RGS9: variants seen among roughly 807,000 people sequenced by gnomAD.
RGS9 encodes the protein regulator of G protein signaling 9, also known as regulator of G-protein signalling 9.
RGS9 carries 78 observed loss-of-function variants against 102.0 expected under a neutral mutation model. The observed-to-expected ratio is 0.76, with a 90% CI of 0.64 to 0.92. RGS9 has a LOEUF of 0.92. Among genes scored for constraint, RGS9 ranks in the 40% least tolerant of loss-of-function variants. The probability of loss-of-function intolerance (pLI) is 0.00; values close to 1 mark genes in which losing one functional copy is unlikely to be tolerated. For synonymous variants in RGS9, 353 were observed against 318.6 expected (o/e 1.11, Z -1.15); for missense variants, 833 against 866.1 (o/e 0.96, Z 0.48).
intron 13 of RGS9, among the ~76,000 whole-genome samples, chr17:65,198,259 C>CTTT (rs56726922): frequency 6.9e-6 from 1 of 145,384 alleles, no homozygotes; most frequent in Non-Finnish European, 1.5e-5. Flanking sequence ...GGAACTGTGA[C>CTTT]TTTTTTTTTT....
chr17:65,140,276 A>G (rs2143944120), intron 1 of RGS9, among the ~76,000 whole-genome samples: 1 of 152,324 alleles, frequency 6.6e-6, no homozygotes, highest in Admixed American at 6.5e-5. Flanking sequence ...AGCCTGGCTC[A>G]GTGTGCTTAG....
At chr17:65,159,153 A>T (rs577327387) in intron 3 of RGS9, among the ~76,000 whole-genome samples, 50 of 114,758 alleles carry the variant, frequency 4.4e-4, no homozygotes, top group Non-Finnish European at 7.5e-4. Flanking sequence ...GCACCTTGTG[A>T]CCCCCCACTC....
chr17:65,188,599 TTCTCTCTTTCTC>T (rs377247552), intron 9 of RGS9: 1 of 152,652 alleles, frequency 6.6e-6, no homozygotes, highest in African/African-American at 2.4e-5. Context: ...TTTCTATCTC[TTCTCTCTTTCTC>T]TCTCTCTTTT....
chr17:65,220,768 T>G (rs1425091273), intron 17 of RGS9, among the ~76,000 whole-genome samples: 1 of 152,242 alleles, frequency 6.6e-6, no homozygotes, highest in Non-Finnish European at 1.5e-5. Flanking sequence ...ACTACCTGCT[T>G]TGCCATTCAT....
chr17:65,222,355 A>T (rs908888477), intron 17 of RGS9, among the ~76,000 whole-genome samples: 30 of 152,334 alleles, frequency 2.0e-4, no homozygotes, highest in African/African-American at 7.0e-4. Context: ...CCTTTTTAAA[A>T]GTCAGCTATG....
At chr17:65,226,355 G>A (rs6504283) in intron 18 of RGS9, among the ~76,000 whole-genome samples, 11,049 of 152,180 alleles carry the variant, frequency 0.073, 1,347 homozygotes, top group African/African-American at 0.25. Context: ...AGGGATACCC[G>A]GGGACAGCCA....
rs560750493 is a variant in RGS9 at position 65,224,303 on chromosome 17, A to T, written c.1408-699A>T. On this transcript the variant is annotated intron_variant, in intron 17 of 18. Coordinates refer to ENST00000262406, the MANE Select transcript of RGS9 (RefSeq NM_003835.4). ...CATGGTGGCCCAGGAAGGTTGAGAT[A>T]CTTCCCCTTTCTCCACTGAACACCT... 6.3e-4 allele frequency among the ~76,000 whole-genome samples: 96 copies of T among 152,264 alleles called. 1 individual carries two copies. The highest frequency in any genetic ancestry group is 4.7e-4 in the Non-Finnish European group (32 of 67,998).
chr17:65,169,944 C>G (rs1466572845), intron 8 of RGS9, among the ~76,000 whole-genome samples: 1 of 152,076 alleles, frequency 6.6e-6, no homozygotes, highest in African/African-American at 2.4e-5. Flanking sequence ...ACCTCCACCA[C>G]CCTTATTGTC....
At chr17:65,196,819 C>A (rs573820243) in intron 12 of RGS9, among the ~76,000 whole-genome samples, 6 of 152,340 alleles carry the variant, frequency 3.9e-5, no homozygotes, top group South Asian at 2.1e-4. Context: ...TGTTACCATG[C>A]CTTGGAGGAG....
intron 9 of RGS9, among the ~76,000 whole-genome samples, chr17:65,178,651 A>T (rs1487341865): frequency 6.6e-6 from 1 of 152,110 alleles, no homozygotes; most frequent in East Asian, 1.9e-4. Flanking sequence ...CCACAGGCAC[A>T]TGCCACCGTG....
intron 9 of RGS9, among the ~76,000 whole-genome samples, chr17:65,187,233 G>T (rs73994744): frequency 0.019 from 2,898 of 152,264 alleles, 90 homozygotes; most frequent in African/African-American, 0.066. Flanking sequence ...CGGACATTGT[G>T]CTAGGGAAGA....
At chr17:65,209,600 G>T (rs1047194038) in intron 16 of RGS9, among the ~76,000 whole-genome samples, 11 of 152,188 alleles carry the variant, frequency 7.2e-5, no homozygotes, top group Non-Finnish European at 1.0e-4. Context: ...GGGAGAGTTT[G>T]GTTCCAGGAA....
At chr17:65,177,164 A>T (rs1000054110) in intron 8 of RGS9, among the ~76,000 whole-genome samples, 17 of 149,856 alleles carry the variant, frequency 1.1e-4, no homozygotes, top group African/African-American at 4.2e-4. Flanking sequence ...CCATCCATCC[A>T]TCCATCCATC....
At chr17:65,172,393 G>A (rs1419647016) in intron 8 of RGS9, among the ~76,000 whole-genome samples, 2 of 151,820 alleles carry the variant, frequency 1.3e-5, no homozygotes, top group East Asian at 1.9e-4. Flanking sequence ...TAGTAGAGAC[G>A]GCGGTTTCAC....
At chr17:65,143,675 C>T (rs968626632) in intron 1 of RGS9, among the ~76,000 whole-genome samples, 29 of 151,804 alleles carry the variant, frequency 1.9e-4, no homozygotes, top group African/African-American at 7.0e-4. Context: ...GCACCTCTAG[C>T]CCCAGCTACT....
rs369103584 is a variant in RGS9 at position 65,182,468 on chromosome 17, C to T, written c.654+4665C>T. 9.8e-5 allele frequency among the ~76,000 whole-genome samples: 15 copies of T among 152,378 alleles called. No individual in the cohort carries two copies. The East Asian group carries it at 2.5e-3, about 25-fold the overall frequency. ...AGAGAGGGTGGCTCCCCCAAGGACA[C>T]ACAGCTGAGAAGTGGTGAAGCCAGG... On this transcript the variant is annotated intron_variant, in intron 9 of 18. Coordinates refer to ENST00000262406, the MANE Select transcript of RGS9 (RefSeq NM_003835.4).
chr17:65,190,252 G>T lies in RGS9; in HGVS notation c.746+16G>T. Reference sequence around the variant, plus strand: ...CCCTGGGAGGGTATGTCCCTGATTTGTTGATCTTGCTAAAGTCTGATGAAC... The same window carrying T: ...CCCTGGGAGGGTATGTCCCTGATTTTTTGATCTTGCTAAAGTCTGATGAAC... On this transcript the variant is annotated intron_variant, in intron 11 of 18. Coordinates refer to ENST00000262406, the MANE Select transcript of RGS9 (RefSeq NM_003835.4). 5 of 1,605,376 alleles carry T rather than the reference G, an allele frequency of 3.1e-6. No individual in the cohort carries two copies. The South Asian group carries it at 5.5e-5, about 18-fold the overall frequency.
intron 11 of RGS9, 110 bp downstream of exon 11, chr17:65,190,346 A>G (rs1485909415): frequency 1.1e-5 from 10 of 876,498 alleles, no homozygotes; most frequent in Non-Finnish European, 1.8e-5. Flanking sequence ...ATTCAGCAGA[A>G]CTGTGAGGGA....
In RGS9 at chr17:65,225,041, T is replaced by C. The variant is rs1199735531; in HGVS notation, c.1447T>C (p.Tyr483His). The part of the protein sequence containing the change: ...HMAPSPHLTV[Y>H]TGTCMPPSPS... ...GGCTCCCAGCCCCCATCTGACCGTG[T>C]ACACCGGGACCTGCATGCCCCCGTC... is the stretch of plus-strand genomic sequence containing the variant. Residue 483 changes from tyrosine (Y) to histidine (H), a missense_variant, in exon 18 of 19, where the codon TAC becomes CAC. By Grantham distance (83) the Tyr-to-His change is moderately conservative. Coordinates refer to ENST00000262406, the MANE Select transcript of RGS9 (RefSeq NM_003835.4). The C allele has an allele frequency of 6.2e-7, 1 of 1,613,952 alleles. No homozygotes were observed. The highest frequency in any genetic ancestry group is 2.2e-5 in the East Asian group (1 of 44,862).
Sources: allele counts gnomAD v4.1 joint callset (sites outside exome capture counted in the v4.1 genomes callset), GRCh38; gene constraint gnomAD v4.1.1; transcripts MANE v1.5; gene names NCBI Gene and HGNC (gene_info 2026-07-23, HGNC 2026-07-21).